Variants in PLXDC1 observed in about 807,000 individuals in gnomAD.
PLXDC1 encodes the protein plexin domain-containing protein 1.
Under a neutral mutation model 61.3 loss-of-function variants are expected in PLXDC1, and 39 were observed. The ratio of observed to expected loss-of-function variants is 0.64; its 90% CI spans 0.49 to 0.83. PLXDC1 has a LOEUF of 0.83. PLXDC1 is among the 40% of genes least tolerant of loss of function. The pLI is 0.00. For missense variants in PLXDC1, 596 were observed against 666.5 expected, an observed-to-expected ratio of 0.89 and a Z score of 1.17; for synonymous variants, 212 against 254.5, an observed-to-expected ratio of 0.83 and a Z score of 1.59.
In PLXDC1 at chr17:39,063,501, C is replaced by T. The variant is rs1445588323; in HGVS notation, c.*4339G>A. On this transcript the variant is annotated 3_prime_UTR_variant, in exon 14 of 14. Transcript: ENST00000315392. ...GATAGCTGGAGGCTGTTCCCACAGT[C>T]ATGTCTCAGCGAAGAAGTCGGAGTT... 1.4e-6 allele frequency: 1 copy of T among 702,986 alleles called. No individual in the cohort carries two copies. The highest frequency in any genetic ancestry group is 1.5e-5 in the South Asian group (1 of 67,574). 43.5% of individuals were successfully genotyped at this position (702,986 alleles called of 1,614,324 possible).
At chr17:39,108,833 C>CCCCTG in intron 4 of PLXDC1, 71 bp downstream of exon 4, 1 of 1,018,740 alleles carries the variant, frequency 9.8e-7, no homozygotes, top group Non-Finnish European at 1.5e-6. Flanking sequence ...CAGTGAGCCA[C>CCCCTG]CCCTGGGAGG....
intron 1 of PLXDC1, among the ~76,000 whole-genome samples, chr17:39,144,124 C>A (rs16505): frequency 0.23 from 34,220 of 151,960 alleles, 5,336 homozygotes; most frequent in African/African-American, 0.45. Context: ...GGCCTGCAGC[C>A]CGGGGAAGGA....
In PLXDC1 at chr17:39,102,734, ACACACACT is replaced by A. The variant is rs1186645494; in HGVS notation, c.811+3112_811+3119del. On this transcript the variant is annotated intron_variant, in intron 7 of 13. Coordinates refer to ENST00000315392, the MANE Select transcript of PLXDC1 (RefSeq NM_020405.5). ...CACACACACACACACACACACACAC[ACACACACT>A]CACTCACCTGAAGGCTTGCAGCTCT... is the stretch of plus-strand genomic sequence containing the variant. Among the ~76,000 whole-genome samples the A allele has an allele frequency of 4.4e-3, 569 of 127,968 alleles. 1 individual carries two copies. Among genetic ancestry groups the A allele is most frequent in the African/African-American group, 0.017 (537 of 30,892 alleles). The allele number at this position is 127,968 out of a possible 152,430, so 84.0% of individuals were successfully genotyped here.
chr17:39,079,782 G>A (rs1423233959), intron 9 of PLXDC1: 5 of 344,524 alleles, frequency 1.5e-5, no homozygotes, highest in South Asian at 4.4e-5. Context: ...CCAACTTTTC[G>A]TTCTTTACTC....
intron 2 of PLXDC1, chr17:39,111,939 T>A (rs1378530994): frequency 6.6e-6 from 1 of 152,242 alleles, no homozygotes; most frequent in Admixed American, 6.5e-5. Flanking sequence ...CCAGAGCTCT[T>A]AGCCTCCCTC....
rs1171553808 is a variant in PLXDC1, at chr17:39,066,731, A to G, written c.*1109T>C. ...TTCCTGAGTAGCTGGGATACAGGCAAGCGTCACCACACCCAGCTAATTTTT... is the reference window on the plus strand; with the variant it reads ...TTCCTGAGTAGCTGGGATACAGGCAGGCGTCACCACACCCAGCTAATTTTT... On this transcript the variant is annotated 3_prime_UTR_variant, in exon 14 of 14. Transcript: ENST00000315392. 7 of 152,156 alleles carry G rather than the reference A, an allele frequency of 4.6e-5. No individual in the cohort carries two copies. The highest frequency in any genetic ancestry group is 8.8e-5 in the Non-Finnish European group (6 of 68,022). 9.4% of individuals were successfully genotyped at this position (152,156 alleles called of 1,614,324 possible). A position where few individuals can be genotyped will look rare whatever the true frequency, so the allele number is the denominator to read the frequency against.
At chr17:39,112,417 C>T (rs1910837028) in intron 2 of PLXDC1, among the ~76,000 whole-genome samples, 1 of 151,776 alleles carries the variant, frequency 6.6e-6, no homozygotes, top group African/African-American at 2.4e-5. Flanking sequence ...AGAAAGGAAA[C>T]CAAGTTTAGA....
intron 1 of PLXDC1, among the ~76,000 whole-genome samples, chr17:39,146,450 T>C (rs945969973): frequency 6.6e-6 from 1 of 151,784 alleles, no homozygotes; most frequent in Non-Finnish European, 1.5e-5. Context: ...GGTGAGGTGG[T>C]GGGATCACTT....
chr17:39,084,961 C>T (rs759550216), intron 8 of PLXDC1, among the ~76,000 whole-genome samples: 90 of 152,340 alleles, frequency 5.9e-4, no homozygotes, highest in Non-Finnish European at 1.1e-3. Context: ...CAAAGAGAGA[C>T]AGGCACTCAC....
At chr17:39,090,567 G>A (rs1322832274) in intron 7 of PLXDC1, among the ~76,000 whole-genome samples, 1 of 152,192 alleles carries the variant, frequency 6.6e-6, no homozygotes, top group African/African-American at 2.4e-5. Flanking sequence ...CTTACCGCCT[G>A]TGTGACCTTG....
At chr17:39,084,844 G>C (rs1420501497) in intron 8 of PLXDC1, among the ~76,000 whole-genome samples, 3 of 152,178 alleles carry the variant, frequency 2.0e-5, no homozygotes, top group Non-Finnish European at 2.9e-5. Flanking sequence ...GTAGGCACGG[G>C]GGCTGGATTT....
At chr17:39,137,778 A>G (rs1427314074) in intron 2 of PLXDC1, among the ~76,000 whole-genome samples, 12 of 151,990 alleles carry the variant, frequency 7.9e-5, no homozygotes, top group Non-Finnish European at 1.5e-4. Flanking sequence ...CACAGGAGGG[A>G]GACAAAGGGG....
intron 2 of PLXDC1, among the ~76,000 whole-genome samples, chr17:39,129,711 G>GAAGGAAAGAAA (rs1249381083): frequency 1.8e-4 from 20 of 108,332 alleles, no homozygotes; most frequent in African/African-American, 7.1e-4. Flanking sequence ...AAAGAAAGAA[G>GAAGGAAAGAAA]GAAAGAAAGA....
chr17:39,115,237 A>G (rs1425740330), intron 2 of PLXDC1, among the ~76,000 whole-genome samples: 2 of 152,220 alleles, frequency 1.3e-5, no homozygotes, highest in Non-Finnish European at 2.9e-5. Flanking sequence ...GACTCAAGGA[A>G]AGTCAGAAAT....
chr17:39,130,333 G>C (rs1833194190), intron 2 of PLXDC1, among the ~76,000 whole-genome samples: 1 of 151,998 alleles, frequency 6.6e-6, no homozygotes, highest in South Asian at 2.1e-4. Flanking sequence ...TATGCCTATA[G>C]TCCCAGTTAC....
chr17:39,118,160 T>C (rs200851039), intron 2 of PLXDC1, among the ~76,000 whole-genome samples: 1 of 125,200 alleles, frequency 8.0e-6, no homozygotes, highest in African/African-American at 2.9e-5. Flanking sequence ...CTTCCTTCCT[T>C]TCTCTTTCTT....
At chr17:39,084,332 T>C (rs1166241018) in intron 8 of PLXDC1, among the ~76,000 whole-genome samples, 1 of 152,214 alleles carries the variant, frequency 6.6e-6, no homozygotes, top group African/African-American at 2.4e-5. Context: ...TAGCTGCTCT[T>C]GCCACAAGAA....
chr17:39,095,363 C>T (rs1430585970), intron 7 of PLXDC1, among the ~76,000 whole-genome samples: 1 of 4,014 alleles, frequency 2.5e-4, no homozygotes, highest in African/African-American at 7.3e-4. Flanking sequence ...AATCCTTACG[C>T]CCCGCCCCCC....
At chr17:39,119,406 C>T (rs539393225) in intron 2 of PLXDC1, among the ~76,000 whole-genome samples, 1 of 152,270 alleles carries the variant, frequency 6.6e-6, no homozygotes, top group African/African-American at 2.4e-5. Context: ...TGTATTGAAA[C>T]ATTACTATGT....
Sources: allele counts gnomAD v4.1 joint callset (sites outside exome capture counted in the v4.1 genomes callset), GRCh38; gene constraint gnomAD v4.1.1; transcripts MANE v1.5; gene names NCBI Gene and HGNC (gene_info 2026-07-23, HGNC 2026-07-21).